Variants in TOM1L1 observed in about 807,000 individuals in gnomAD.
TOM1L1 encodes target of myb1 like 1 membrane trafficking protein.
TOM1L1 carries 64 observed loss-of-function variants against 63.4 expected under a neutral mutation model. The ratio of observed to expected loss-of-function variants is 1.01; its 90% CI spans 0.83 to 1.24. TOM1L1 has a LOEUF of 1.24. TOM1L1 is among the 50% of genes most tolerant of loss of function. TOM1L1 has a pLI of 0.00. For synonymous variants in TOM1L1, 166 were observed against 194.4 expected, an observed-to-expected ratio of 0.85 and a Z score of 1.22; for missense variants, 536 against 567.0, an observed-to-expected ratio of 0.95 and a Z score of 0.55.
chr17:54,935,233 A>G (rs2048927050), intron 8 of TOM1L1, among the ~76,000 whole-genome samples: 1 of 152,018 alleles, frequency 6.6e-6, no homozygotes, highest in African/African-American at 2.4e-5. Context: ...GCGAAAAATT[A>G]TAGTCAAAGG....
At chr17:54,926,869 G>A (rs765815729) in intron 7 of TOM1L1, among the ~76,000 whole-genome samples, 25 of 152,182 alleles carry the variant, frequency 1.6e-4, no homozygotes, top group Non-Finnish European at 3.4e-4. Flanking sequence ...ATGAGCTTAT[G>A]TTCTATCCAT....
At chr17:54,930,728 A>C (rs999245469) in intron 8 of TOM1L1, among the ~76,000 whole-genome samples, 1 of 151,934 alleles carries the variant, frequency 6.6e-6, no homozygotes, top group African/African-American at 2.4e-5. Context: ...TGTAGACCCA[A>C]CTACTCAGGA....
intron 13 of TOM1L1, 21 bp from the exon 14 acceptor site, chr17:54,950,024 G>C (rs1334681243): frequency 6.3e-7 from 1 of 1,596,780 alleles, no homozygotes; most frequent in Non-Finnish European, 8.6e-7. Context: ...TATGTTTACT[G>C]GTCTCTTTTT....
intron 11 of TOM1L1, among the ~76,000 whole-genome samples, chr17:54,940,560 G>A (rs2049018778): frequency 6.6e-6 from 1 of 152,082 alleles, no homozygotes; most frequent in African/African-American, 2.4e-5. Context: ...CAAGTAATTG[G>A]AAACAACTCA....
At chr17:54,929,304 A>G (rs776018216) in intron 7 of TOM1L1, among the ~76,000 whole-genome samples, 4 of 152,084 alleles carry the variant, frequency 2.6e-5, no homozygotes, top group Non-Finnish European at 5.9e-5. Context: ...AAAAAAATGT[A>G]GATTTTCAGA....
At chr17:54,917,667 G>C (rs953488790) in intron 7 of TOM1L1, among the ~76,000 whole-genome samples, 57 of 152,122 alleles carry the variant, frequency 3.7e-4, no homozygotes, top group African/African-American at 1.3e-3. Flanking sequence ...GCATTCTCCA[G>C]TGTTCAGCTG....
chr17:54,933,839 T>C (rs138772303), intron 8 of TOM1L1, among the ~76,000 whole-genome samples: 9 of 152,274 alleles, frequency 5.9e-5, no homozygotes, highest in African/African-American at 1.2e-4. Context: ...CTCGGTTTTA[T>C]ACATTTTCGG....
intron 3 of TOM1L1, among the ~76,000 whole-genome samples, chr17:54,912,387 G>A (rs932385462): frequency 6.6e-6 from 1 of 152,128 alleles, no homozygotes. Context: ...TGGCCTGCAC[G>A]TCCCTTCAGC....
chr17:54,947,426 G>A, intron 12 of TOM1L1, 114 bp downstream of exon 12: 2 of 1,185,018 alleles, frequency 1.7e-6, no homozygotes, highest in South Asian at 1.3e-5. Flanking sequence ...TTGATGCGCA[G>A]CCCCTGTTAG....
chr17:54,956,528 G>A (rs532297313), intron 14 of TOM1L1, among the ~76,000 whole-genome samples: 78 of 152,154 alleles, frequency 5.1e-4, no homozygotes, highest in African/African-American at 1.8e-3. Context: ...GGCTGGTCTC[G>A]AACTCTTGGT....
chr17:54,935,381 TC>T (rs1450992466), intron 8 of TOM1L1, among the ~76,000 whole-genome samples: 4 of 152,160 alleles, frequency 2.6e-5, no homozygotes, highest in African/African-American at 7.2e-5. Context: ...TTGTGATTCT[TC>T]AGTTGGTTCA....
chr17:54,917,923 T>C (rs1253059902), intron 7 of TOM1L1, among the ~76,000 whole-genome samples: 1 of 152,224 alleles, frequency 6.6e-6, no homozygotes, highest in East Asian at 1.9e-4. Context: ...TAATACCCTA[T>C]CCCTCTGTCC....
intron 3 of TOM1L1, among the ~76,000 whole-genome samples, chr17:54,907,954 T>A (rs540747735): frequency 6.6e-6 from 1 of 152,214 alleles, no homozygotes; most frequent in African/African-American, 2.4e-5. Context: ...GTTCCCTCCC[T>A]GTGACGACGG....
intron 8 of TOM1L1, among the ~76,000 whole-genome samples, chr17:54,932,287 G>A (rs2048876526): frequency 6.6e-6 from 1 of 152,146 alleles, no homozygotes; most frequent in African/African-American, 2.4e-5. Context: ...GTGACTAGAG[G>A]CTGCATGCAC....
At chr17:54,960,451 T>C (rs188725753) in intron 14 of TOM1L1, 115 bp from the exon 15 acceptor site, 878 of 741,140 alleles carry the variant, frequency 1.2e-3, no homozygotes, top group Non-Finnish European at 1.7e-3. Flanking sequence ...TTTACTCATA[T>C]GTAGCCTGAA....
At chr17:54,920,123 G>C (rs1343801519) in intron 7 of TOM1L1, among the ~76,000 whole-genome samples, 1 of 151,978 alleles carries the variant, frequency 6.6e-6, no homozygotes, top group Non-Finnish European at 1.5e-5. Context: ...AATACAGTTA[G>C]AACGCCCAGA....
At chr17:54,937,271 T>C (rs2048964892) in intron 10 of TOM1L1, 45 bp downstream of exon 10, 5 of 1,399,578 alleles carry the variant, frequency 3.6e-6, no homozygotes, top group Non-Finnish European at 5.1e-6. Context: ...AAGAGCTTGA[T>C]GTTAAACAGT....
In TOM1L1 at chr17:54,938,965, C is replaced by G; in HGVS notation, c.1075C>G (p.Pro359Ala). The change falls in exon 11 of 16, where the codon CCC becomes GCC. Residue 359 changes from proline to alanine, a missense_variant. Pro to Ala is a conservative substitution (Grantham distance 27, BLOSUM62 -1). Coordinates refer to ENST00000575882, the MANE Select transcript of TOM1L1 (RefSeq NM_005486.3). ...TTCTGATGTAACAAACAACTTAAAACCCAGTCTTCATCCACAGATGAACTT... is the reference window on the plus strand; with the variant it reads ...TTCTGATGTAACAAACAACTTAAAAGCCAGTCTTCATCCACAGATGAACTT... ...PSSDVTNNLK[P>A]SLHPQMNLLA... 1 of 1,612,806 alleles carries G rather than the reference C, an allele frequency of 6.2e-7. No homozygotes were observed. The highest frequency in any genetic ancestry group is 8.5e-7 in the Non-Finnish European group (1 of 1,179,358).
At chr17:54,901,767 T>G (rs1449569309) in intron 1 of TOM1L1, among the ~76,000 whole-genome samples, 1 of 151,934 alleles carries the variant, frequency 6.6e-6, no homozygotes, top group African/African-American at 2.4e-5. Flanking sequence ...AGGCCCAGAT[T>G]TGGAAAATTT....
Sources: gnomAD v4.1 joint callset for allele counts (sites outside exome capture counted in the v4.1 genomes callset) on GRCh38, gnomAD v4.1.1 for gene constraint, MANE v1.5 for transcripts, NCBI Gene and HGNC (gene_info 2026-07-23, HGNC 2026-07-21) for gene names.